PDE3A: variants seen among roughly 807,000 people sequenced by gnomAD.
PDE3A encodes phosphodiesterase 3A.
In PDE3A, 43 loss-of-function variants were observed where a neutral mutation model predicts 98.3. That is an observed-to-expected ratio of 0.44 (90% CI 0.34 to 0.56). The LOEUF (loss-of-function observed/expected upper bound fraction) is 0.56, where lower values mean the gene tolerates loss of function less well. Among genes scored for constraint, PDE3A ranks in the 20% least tolerant of loss-of-function variants. The probability of loss-of-function intolerance (pLI) is 0.01; values close to 1 mark genes in which losing one functional copy is unlikely to be tolerated. For synonymous variants in PDE3A, 663 were observed against 567.9 expected, an observed-to-expected ratio of 1.17 and a Z score of -2.38; for missense variants, 1,427 against 1,440.7, an observed-to-expected ratio of 0.99 and a Z score of 0.15.
intron 1 of PDE3A, among the ~76,000 whole-genome samples, chr12:20,536,069 G>C (rs868280896): frequency 1.1e-4 from 16 of 152,114 alleles, no homozygotes; most frequent in Admixed American, 1.3e-4. Context: ...GACTCTGCAG[G>C]TGGAACTAAT....
At chr12:20,473,912 CTT>C (rs1591968707) in intron 1 of PDE3A, among the ~76,000 whole-genome samples, 1 of 151,996 alleles carries the variant, frequency 6.6e-6, no homozygotes, top group Non-Finnish European at 1.5e-5. Flanking sequence ...GTTTTCAATA[CTT>C]TTTTGAATAT....
At chr12:20,540,459 A>G (rs113084538) in intron 1 of PDE3A, among the ~76,000 whole-genome samples, 5,441 of 152,164 alleles carry the variant, frequency 0.036, 140 homozygotes, top group Middle Eastern at 0.065. Context: ...TGGATTTGCC[A>G]TCTTCTGAGA....
At chr12:20,446,009 T>A (rs569567894) in intron 1 of PDE3A, among the ~76,000 whole-genome samples, 2 of 152,276 alleles carry the variant, frequency 1.3e-5, no homozygotes, top group East Asian at 3.9e-4. Context: ...AAACATGACA[T>A]TTGGGTGGTT....
At chr12:20,450,791 T>C (rs1407479508) in intron 1 of PDE3A, among the ~76,000 whole-genome samples, 1 of 152,208 alleles carries the variant, frequency 6.6e-6, no homozygotes, top group Non-Finnish European at 1.5e-5. Context: ...TTATAACAAA[T>C]GAAGATGCAT....
chr12:20,665,486 C>T (rs563193420), intron 15 of PDE3A, among the ~76,000 whole-genome samples: 13 of 152,176 alleles, frequency 8.5e-5, no homozygotes, highest in South Asian at 8.3e-4. Context: ...TAAATGCATA[C>T]GTGCTGATGT....
chr12:20,426,937 A>G (rs530453604), intron 1 of PDE3A, among the ~76,000 whole-genome samples: 2 of 152,320 alleles, frequency 1.3e-5, no homozygotes, highest in Non-Finnish European at 2.9e-5. Flanking sequence ...CTATGATTGC[A>G]TGGATGGTTA....
At chr12:20,555,200 T>C (rs953909668) in intron 1 of PDE3A, among the ~76,000 whole-genome samples, 9 of 152,216 alleles carry the variant, frequency 5.9e-5, no homozygotes, top group Admixed American at 2.6e-4. Context: ...ATTTTTGTAC[T>C]TTTAGTAGAG....
At chr12:20,628,263 G>A (rs1468669081) in intron 5 of PDE3A, among the ~76,000 whole-genome samples, 1 of 152,144 alleles carries the variant, frequency 6.6e-6, no homozygotes, top group African/African-American at 2.4e-5. Flanking sequence ...GGGAAATTCT[G>A]AGTTAAAACC....
intron 1 of PDE3A, among the ~76,000 whole-genome samples, chr12:20,522,851 A>C (rs1338938195): frequency 6.6e-6 from 1 of 152,132 alleles, no homozygotes; most frequent in Non-Finnish European, 1.5e-5. Flanking sequence ...AACACATTTT[A>C]TTTTAGAAAA....
intron 1 of PDE3A, among the ~76,000 whole-genome samples, chr12:20,418,761 ACAC>A (rs1467174931): frequency 1.3e-5 from 2 of 151,778 alleles, no homozygotes; most frequent in Non-Finnish European, 2.9e-5. Context: ...TTTTCCCACA[ACAC>A]TTTTTTTAAT....
rs1944129729 is a variant in PDE3A at position 20,621,289 on chromosome 12, C to G, written c.1425-7C>G. 6.9e-7 allele frequency: 1 copy of G among 1,450,636 alleles called. No homozygotes were observed. Among genetic ancestry groups the G allele is most frequent in the Non-Finnish European group, 9.7e-7 (1 of 1,031,762 alleles). 89.9% of individuals were successfully genotyped at this position (1,450,636 alleles called of 1,614,324 possible). ...TTCTTTTAATTCTGTCTTTCTGGTG[C>G]TTTTAGTCCTGATTCTTGGAATAAT... is the stretch of plus-strand genomic sequence containing the variant. On this transcript the variant is annotated splice_polypyrimidine_tract_variant and splice_region_variant and intron_variant, in intron 4 of 15. Transcript: ENST00000359062.
intron 15 of PDE3A, among the ~76,000 whole-genome samples, chr12:20,660,499 G>A (rs56174957): frequency 6.6e-6 from 1 of 151,540 alleles, no homozygotes. Context: ...GGAGATTGGA[G>A]GGTCATATGG....
chr12:20,560,548 G>C (rs1254393867), intron 2 of PDE3A, among the ~76,000 whole-genome samples: 1 of 152,182 alleles, frequency 6.6e-6, no homozygotes, highest in Non-Finnish European at 1.5e-5. Flanking sequence ...GAAGAGAATA[G>C]TGTAAGATAC....
chr12:20,615,454 C>T (rs995944800), intron 3 of PDE3A, among the ~76,000 whole-genome samples: 2 of 152,108 alleles, frequency 1.3e-5, no homozygotes, highest in Non-Finnish European at 2.9e-5. Context: ...TTATGAAAGA[C>T]TTGAGCTCCT....
chr12:20,378,642 G>A (rs561987183), intron 1 of PDE3A, among the ~76,000 whole-genome samples: 20 of 151,826 alleles, frequency 1.3e-4, no homozygotes, highest in Non-Finnish European at 2.4e-4. Context: ...ATGCTGGCTC[G>A]CTTCTGGTAA....
At chr12:20,524,076 G>A (rs1946475569) in intron 1 of PDE3A, among the ~76,000 whole-genome samples, 1 of 152,132 alleles carries the variant, frequency 6.6e-6, no homozygotes, top group Non-Finnish European at 1.5e-5. Flanking sequence ...CAGTTGTCAT[G>A]TTTACTTGTA....
chr12:20,528,551 G>A (rs1323523348), intron 1 of PDE3A, among the ~76,000 whole-genome samples: 2 of 152,118 alleles, frequency 1.3e-5, no homozygotes, highest in Admixed American at 6.5e-5. Flanking sequence ...TGTTTATAAT[G>A]TTCAAAATCT....
intron 1 of PDE3A, among the ~76,000 whole-genome samples, chr12:20,493,688 T>C (rs1162730030): frequency 2.6e-5 from 4 of 152,148 alleles, no homozygotes; most frequent in African/African-American, 9.7e-5. Context: ...TGCAGTACAA[T>C]GGCGCAACCT....
intron 1 of PDE3A, among the ~76,000 whole-genome samples, chr12:20,406,117 C>G (rs1944228674): frequency 6.6e-6 from 1 of 152,136 alleles, no homozygotes; most frequent in African/African-American, 2.4e-5. Context: ...ATCACATGTT[C>G]TTTATCCATT....
Sources: allele counts gnomAD v4.1 joint callset (sites outside exome capture counted in the v4.1 genomes callset), GRCh38; gene constraint gnomAD v4.1.1; transcripts MANE v1.5; gene names NCBI Gene and HGNC (gene_info 2026-07-23, HGNC 2026-07-21).